Variants in EFCAB12 observed in about 807,000 individuals in gnomAD.
EFCAB12 encodes the protein EF-hand calcium-binding domain-containing protein 12.
In EFCAB12, 43 loss-of-function variants were observed where a neutral mutation model predicts 53.6. The observed-to-expected ratio is 0.80, with a 90% confidence interval of 0.63 to 1.03. The LOEUF (loss-of-function observed/expected upper bound fraction) is 1.03, where lower values mean the gene tolerates loss of function less well. Among genes scored for constraint, EFCAB12 ranks in the 50% least tolerant of loss-of-function variants. EFCAB12 has a pLI of 0.00. For synonymous variants in EFCAB12, 269 were observed against 289.2 expected, an observed-to-expected ratio of 0.93 and a Z score of 0.71; for missense variants, 646 against 730.6, an observed-to-expected ratio of 0.88 and a Z score of 1.34.
At chr3:129,419,116 C>T (rs1295417687) in intron 2 of EFCAB12, among the ~76,000 whole-genome samples, 1 of 152,180 alleles carries the variant, frequency 6.6e-6, no homozygotes, top group Non-Finnish European at 1.5e-5. Context: ...CATGTGAACA[C>T]CTTGTGCTAT....
chr3:129,418,283 T>C lies in EFCAB12; in HGVS notation c.652A>G (p.Arg218Gly), dbSNP rs759966728. The change falls in exon 3 of 9, where the codon AGG becomes GGG. Residue 218 changes from arginine (R) to glycine (G), a missense_variant. By Grantham distance (125) the Arg-to-Gly change is moderately radical. Coordinates refer to ENST00000505956, the MANE Select transcript of EFCAB12 (RefSeq NM_207307.3). ...TTTACAGCCGCGATGAACTCCTCCC[T>C]GGTGATTCTCTGGTTCTCACCCTGG... ...VGQGENQRIT[R>G]EEFIAAVKAV... is the part of the protein sequence containing the mutation. 3 of 1,612,872 alleles carry C rather than the reference T, an allele frequency of 1.9e-6. No individual in the cohort carries two copies. In the Admixed American group the frequency reaches 5.0e-5, roughly 27 times the overall value.
chr3:129,415,366 A>G lies in EFCAB12; in HGVS notation c.717T>C (p.Asp239=). 4.3e-6 allele frequency: 7 copies of G among 1,613,770 alleles called. No individual in the cohort carries two copies. The highest frequency in any genetic ancestry group is 5.1e-6 in the Non-Finnish European group (6 of 1,179,850). ...CAAGAGAGCTGAGGTAGATCACTAT[A>G]TCCTCCACCTCTTGGTTCTTCAGAG... ...GVPLKNQEVE[D]IVIYLSSLGK... The change falls in exon 4 of 9, where the codon GAT becomes GAC. Residue 239 remains aspartate, a synonymous_variant. Coordinates refer to ENST00000505956, the MANE Select transcript of EFCAB12 (RefSeq NM_207307.3).
At chr3:129,422,053 C>G (rs1038938944) in intron 1 of EFCAB12, among the ~76,000 whole-genome samples, 1 of 152,160 alleles carries the variant, frequency 6.6e-6, no homozygotes, top group Admixed American at 6.5e-5. Context: ...GCCCCCAACA[C>G]CTCCCATTGG....
intron 6 of EFCAB12, among the ~76,000 whole-genome samples, chr3:129,408,075 G>A (rs1220481501): frequency 1.3e-5 from 2 of 152,176 alleles, no homozygotes; most frequent in Non-Finnish European, 2.9e-5. Flanking sequence ...ATGAAAACGT[G>A]TTTTCCACCC....
intron 4 of EFCAB12, 32 bp from the exon 5 acceptor site, chr3:129,411,386 G>T: frequency 6.6e-7 from 1 of 1,525,580 alleles, no homozygotes. Context: ...GAAGGAAGGA[G>T]GGACTAAGAG....
At position 129,409,009 on chromosome 3, in the gene EFCAB12, C is replaced by T. The variant is rs567775480; in HGVS notation, c.1036-151G>A. On this transcript the variant is annotated intron_variant, in intron 5 of 8. Transcript: ENST00000505956. ...CCAACGTCCAGTGGGGCTGCAGTTC[C>T]GGTTCTGAAGTCAGTGAAGACTTCA... Among the ~76,000 whole-genome samples, 52 of 152,312 alleles carry T rather than the reference C, an allele frequency of 3.4e-4. 1 individual carries two copies. The highest frequency in any genetic ancestry group is 2.7e-3 in the South Asian group (13 of 4,830).
chr3:129,425,406 G>A lies in EFCAB12; in HGVS notation c.49+3034C>T, dbSNP rs577086266. ...CTTCCCTTGTCACCTCCCAGCCCCC[G>A]CCCCCTCACTCATGTGGTCCCAGCT... On this transcript the variant is annotated intron_variant, in intron 1 of 8. Transcript: ENST00000505956. 1.6e-4 allele frequency among the ~76,000 whole-genome samples: 24 copies of A among 150,916 alleles called. No homozygotes were observed. The South Asian group carries it at 4.0e-3, about 25-fold the overall frequency.
intron 6 of EFCAB12, among the ~76,000 whole-genome samples, chr3:129,406,837 G>C (rs114687829): frequency 6.6e-6 from 1 of 150,782 alleles, no homozygotes; most frequent in Non-Finnish European, 1.5e-5. Context: ...GATAAAAAAG[G>C]TTGTGACTTC....
At chr3:129,415,501 C>A in intron 3 of EFCAB12, 100 bp from the exon 4 acceptor site, 1 of 1,443,180 alleles carries the variant, frequency 6.9e-7, no homozygotes, top group Non-Finnish European at 9.4e-7. Context: ...CATCCTGCTT[C>A]CAGTTTCATC....
chr3:129,415,851 T>C (rs912083370), intron 3 of EFCAB12, among the ~76,000 whole-genome samples: 2 of 152,228 alleles, frequency 1.3e-5, no homozygotes, highest in Admixed American at 1.3e-4. Flanking sequence ...AAGAATACTA[T>C]ACTCCTCATT....
In EFCAB12 at chr3:129,408,862, C is replaced by T. The variant is rs745352795; in HGVS notation, c.1036-4G>A. ...ACTGGATGGAGGGGATCGTGAGCTGCGAAGGAAGCAGAAAGGGGCTCGCCC... is the reference window on the plus strand; with the variant it reads ...ACTGGATGGAGGGGATCGTGAGCTGTGAAGGAAGCAGAAAGGGGCTCGCCC... On this transcript the variant is annotated splice_polypyrimidine_tract_variant and splice_region_variant and intron_variant, in intron 5 of 8. Transcript: ENST00000505956. 6 of 1,563,178 alleles carry T rather than the reference C, an allele frequency of 3.8e-6. No individual in the cohort carries two copies. Among genetic ancestry groups the T allele is most frequent in the Admixed American group, 3.8e-5 (2 of 52,452 alleles).
intron 4 of EFCAB12, chr3:129,414,592 T>C (rs561866084): frequency 9.2e-5 from 14 of 152,326 alleles, no homozygotes; most frequent in African/African-American, 3.4e-4. Context: ...ACAAGAATGG[T>C]ACTAAGATAT....
chr3:129,415,240 C>T lies in EFCAB12; in HGVS notation c.838+5G>A, dbSNP rs546131099. 59 of 1,598,686 alleles carry T rather than the reference C, an allele frequency of 3.7e-5. 1 individual carries two copies. Among genetic ancestry groups the T allele is most frequent in the South Asian group, 2.8e-4 (25 of 88,936 alleles). On this transcript the variant is annotated splice_donor_5th_base_variant and intron_variant, in intron 4 of 8. Coordinates refer to ENST00000505956, the MANE Select transcript of EFCAB12 (RefSeq NM_207307.3). ...TGGAGGCACAGGATGGGGAGGGGTA[C>T]GCACGCTCCCTTGCAGTGGCCAGGC...
chr3:129,421,214 A>T (rs2072183153), intron 2 of EFCAB12, among the ~76,000 whole-genome samples, 153 bp downstream of exon 2: 1 of 152,266 alleles, frequency 6.6e-6, no homozygotes. Context: ...AGCAATAGAT[A>T]ACTAGACAAC....
At position 129,415,233 on chromosome 3, in the gene EFCAB12, AG is replaced by A; in HGVS notation, c.838+11del. On this transcript the variant is annotated intron_variant, in intron 4 of 8. Coordinates refer to ENST00000505956, the MANE Select transcript of EFCAB12 (RefSeq NM_207307.3). ...GGGGAGGTGGAGGCACAGGATGGGG[AG>A]GGGTACGCACGCTCCCTTGCAGTGG... 1 of 1,577,562 alleles carries A rather than the reference AG, an allele frequency of 6.3e-7. No individual in the cohort carries two copies. The highest frequency in any genetic ancestry group is 1.2e-5 in the South Asian group (1 of 86,340).
At chr3:129,427,842 C>G (rs773045535) in intron 1 of EFCAB12, among the ~76,000 whole-genome samples, 11 of 152,226 alleles carry the variant, frequency 7.2e-5, no homozygotes, top group Non-Finnish European at 1.5e-4. Context: ...TCTCTCACCT[C>G]ATTTCCAGAG....
At chr3:129,404,161 C>A in intron 7 of EFCAB12, 89 bp downstream of exon 7, 1 of 1,514,210 alleles carries the variant, frequency 6.6e-7, no homozygotes, top group South Asian at 1.3e-5. Context: ...GCATGGCGCC[C>A]CAGGTACTCC....
intron 5 of EFCAB12, 75 bp from the exon 6 acceptor site, chr3:129,408,933 A>T: frequency 2.7e-6 from 4 of 1,499,360 alleles, no homozygotes; most frequent in Non-Finnish European, 3.6e-6. Flanking sequence ...AGGAAGATGC[A>T]GTGCCTCATC....
chr3:129,412,449 GATA>G (rs2072056154), intron 4 of EFCAB12: 1 of 140,542 alleles, frequency 7.1e-6, no homozygotes, highest in Non-Finnish European at 1.5e-5. Context: ...TAGATAGATA[GATA>G]GATAGATAGA....
Sources: allele counts gnomAD v4.1 joint callset (sites outside exome capture counted in the v4.1 genomes callset), GRCh38; gene constraint gnomAD v4.1.1; transcripts MANE v1.5; gene names NCBI Gene and HGNC (gene_info 2026-07-23, HGNC 2026-07-21).